Variants in CPQ observed in about 807,000 individuals in gnomAD.
CPQ encodes carboxypeptidase Q, also known as Ser-Met dipeptidase.
A neutral mutation model predicts 45.7 loss-of-function variants in CPQ; 37 were observed. The observed-to-expected ratio is 0.81, with a 90% CI of 0.62 to 1.07. The LOEUF (loss-of-function observed/expected upper bound fraction) is 1.07, where lower values mean the gene tolerates loss of function less well. Among genes scored for constraint, CPQ ranks in the 50% least tolerant of loss-of-function variants. CPQ has a pLI of 0.00. For synonymous variants in CPQ, 186 were observed against 205.8 expected, an observed-to-expected ratio of 0.90 and a Z score of 0.82; for missense variants, 537 against 572.9, an observed-to-expected ratio of 0.94 and a Z score of 0.64.
intron 5 of CPQ, among the ~76,000 whole-genome samples, chr8:96,995,324 G>A (rs887107524): frequency 2.6e-4 from 40 of 151,990 alleles, no homozygotes; most frequent in African/African-American, 9.4e-4. Flanking sequence ...AAATTGTGGT[G>A]GTTGTTGTTT....
intron 5 of CPQ, among the ~76,000 whole-genome samples, chr8:96,991,273 C>G (rs993937745): frequency 1.3e-5 from 2 of 152,116 alleles, no homozygotes; most frequent in Non-Finnish European, 2.9e-5. Context: ...AATGCCTTCC[C>G]TGCCAGTCAT....
chr8:96,692,564 C>G (rs1173596292), intron 1 of CPQ, among the ~76,000 whole-genome samples: 1 of 152,146 alleles, frequency 6.6e-6, no homozygotes, highest in Non-Finnish European at 1.5e-5. Flanking sequence ...TCTTCCGGAT[C>G]TTATCCAAGA....
At chr8:96,898,665 T>C (rs1812474295) in intron 4 of CPQ, among the ~76,000 whole-genome samples, 1 of 147,266 alleles carries the variant, frequency 6.8e-6, no homozygotes, top group Non-Finnish European at 1.5e-5. Flanking sequence ...TTGGGAGATA[T>C]ACCTAATGCT....
intron 5 of CPQ, among the ~76,000 whole-genome samples, chr8:96,977,782 A>G (rs540804078): frequency 4.1e-4 from 63 of 152,334 alleles, no homozygotes; most frequent in Non-Finnish European, 8.2e-4. Context: ...ATGAGGATGC[A>G]AATGCATAAG....
intron 4 of CPQ, among the ~76,000 whole-genome samples, chr8:96,951,001 TAC>T (rs1813255539): frequency 6.6e-6 from 1 of 152,162 alleles, no homozygotes; most frequent in South Asian, 2.1e-4. Context: ...AAATATGTCC[TAC>T]TGTATTGTGG....
chr8:96,777,843 C>A (rs1275420039), intron 1 of CPQ, among the ~76,000 whole-genome samples: 1 of 135,034 alleles, frequency 7.4e-6, no homozygotes, highest in Non-Finnish European at 1.5e-5. Flanking sequence ...ATTCTCCTGC[C>A]TCAGCCTTCC....
chr8:96,798,571 C>T (rs1810965990), intron 2 of CPQ, among the ~76,000 whole-genome samples: 4 of 152,080 alleles, frequency 2.6e-5, no homozygotes, highest in Admixed American at 2.6e-4. Flanking sequence ...GGTCTATTTG[C>T]CTTTCCCTCA....
chr8:96,770,127 G>T (rs777416089), intron 1 of CPQ, among the ~76,000 whole-genome samples: 3 of 152,162 alleles, frequency 2.0e-5, no homozygotes, highest in Non-Finnish European at 2.9e-5. Context: ...AAATGAGTTA[G>T]CCCGTGTTGC....
At chr8:96,682,256 T>C (rs997983546) in intron 1 of CPQ, among the ~76,000 whole-genome samples, 3 of 152,166 alleles carry the variant, frequency 2.0e-5, no homozygotes, top group Non-Finnish European at 2.9e-5. Context: ...TGGGAGGTAA[T>C]TGAATCACGA....
chr8:96,701,271 G>A (rs553181758), intron 1 of CPQ, among the ~76,000 whole-genome samples: 1 of 152,228 alleles, frequency 6.6e-6, no homozygotes, highest in East Asian at 1.9e-4. Context: ...ATTCTTCCAA[G>A]GATTTGGGAG....
rs1329907973 is a variant in CPQ at position 96,826,745 on chromosome 8, T to C, written c.434-8228T>C. Among the ~76,000 whole-genome samples the C allele has an allele frequency of 5.9e-5, 9 of 152,160 alleles. No homozygotes were observed. In the East Asian group the frequency reaches 1.4e-3, roughly 23 times the overall value. On this transcript the variant is annotated intron_variant, in intron 2 of 7. Transcript: ENST00000220763. ...CATTACCTAGGTATTAAGTCAAGCA[T>C]GCATTAGCTGTTTTTGCCAATGCTC...
intron 1 of CPQ, among the ~76,000 whole-genome samples, chr8:96,749,747 TAGTG>T (rs924271897): frequency 2.6e-5 from 4 of 152,162 alleles, no homozygotes; most frequent in African/African-American, 9.7e-5. Flanking sequence ...TTTACACTGT[TAGTG>T]AGGACAGAAG....
At chr8:96,855,777 A>G (rs1173092290) in intron 3 of CPQ, among the ~76,000 whole-genome samples, 1 of 152,238 alleles carries the variant, frequency 6.6e-6, no homozygotes, top group Admixed American at 6.5e-5. Context: ...TAAATGCCAT[A>G]AAAGATAAAA....
At chr8:96,673,045 T>C (rs1809027777) in intron 1 of CPQ, among the ~76,000 whole-genome samples, 1 of 152,086 alleles carries the variant, frequency 6.6e-6, no homozygotes. Flanking sequence ...GAGGTGGGAA[T>C]ATTGCCCTTC....
At chr8:96,926,711 G>A (rs541680194) in intron 4 of CPQ, among the ~76,000 whole-genome samples, 2 of 150,540 alleles carry the variant, frequency 1.3e-5, no homozygotes, top group Middle Eastern at 3.4e-3. Flanking sequence ...AAGTTCTGGG[G>A]TACATGTGCA....
chr8:97,116,926 G>A (rs35952478), intron 7 of CPQ, among the ~76,000 whole-genome samples: 34,517 of 152,048 alleles, frequency 0.23, 4,917 homozygotes, highest in African/African-American at 0.4. Context: ...TGCTCTGTTG[G>A]GTCCAGGAAT....
intron 5 of CPQ, among the ~76,000 whole-genome samples, chr8:97,007,629 A>G (rs991003593): frequency 2.0e-5 from 3 of 152,194 alleles, no homozygotes; most frequent in East Asian, 3.9e-4. Context: ...TAAATTTTCA[A>G]AGTGGATTGT....
chr8:97,020,344 C>A (rs887592763), intron 5 of CPQ, among the ~76,000 whole-genome samples: 3 of 151,870 alleles, frequency 2.0e-5, no homozygotes, highest in African/African-American at 4.8e-5. Context: ...CAAACCAAAC[C>A]CAAACCCAGC....
chr8:97,133,695 C>T (rs1811999722), intron 7 of CPQ, among the ~76,000 whole-genome samples: 2 of 152,140 alleles, frequency 1.3e-5, no homozygotes, highest in African/African-American at 4.8e-5. Context: ...TAAACTGTAA[C>T]ATTTGAGATA....
Sources: allele counts gnomAD v4.1 joint callset (sites outside exome capture counted in the v4.1 genomes callset), GRCh38; gene constraint gnomAD v4.1.1; transcripts MANE v1.5; gene names NCBI Gene and HGNC (gene_info 2026-07-23, HGNC 2026-07-21).